Variants in HSPA12A observed in about 807,000 individuals in gnomAD.
HSPA12A encodes the protein heat shock 70 kDa protein 12A.
Under a neutral mutation model 69.2 loss-of-function variants are expected in HSPA12A, and 28 were observed. The observed-to-expected ratio is 0.40, with a 90% CI of 0.30 to 0.55. HSPA12A has a LOEUF of 0.55. Among genes scored for constraint, HSPA12A ranks in the 20% least tolerant of loss-of-function variants. HSPA12A has a pLI of 0.38. For missense variants in HSPA12A, 686 were observed against 900.7 expected, an observed-to-expected ratio of 0.76 and a Z score of 3.05; for synonymous variants, 345 against 370.5, an observed-to-expected ratio of 0.93 and a Z score of 0.79.
chr10:116,849,544 G>C, intron 1 of HSPA12A: 1 of 1,510,186 alleles, frequency 6.6e-7, no homozygotes, highest in South Asian at 1.3e-5. Context: ...GCTAAACCCC[G>C]CTGTAGCCTT....
intron 2 of HSPA12A, among the ~76,000 whole-genome samples, chr10:116,792,220 C>T (rs1844713671): frequency 6.9e-6 from 1 of 144,698 alleles, no homozygotes; most frequent in Non-Finnish European, 1.5e-5. Context: ...CCAAACCCAG[C>T]CCCAGTTCAG....
intron 1 of HSPA12A, among the ~76,000 whole-genome samples, chr10:116,708,966 G>A (rs1398675386): frequency 6.6e-6 from 1 of 152,248 alleles, no homozygotes; most frequent in Non-Finnish European, 1.5e-5. Flanking sequence ...GACAACTGCT[G>A]TGGAAAAGAG....
intron 2 of HSPA12A, among the ~76,000 whole-genome samples, chr10:116,821,985 C>T (rs182905904): frequency 2.6e-5 from 4 of 152,312 alleles, no homozygotes; most frequent in Admixed American, 2.6e-4. Context: ...AATATGAAAC[C>T]ACAAATGTGA....
chr10:116,691,339 A>G (rs1396393157), intron 6 of HSPA12A, among the ~76,000 whole-genome samples: 1 of 152,150 alleles, frequency 6.6e-6, no homozygotes, highest in Non-Finnish European at 1.5e-5. Flanking sequence ...TGAGGTTCCC[A>G]TGGCCATTCA....
intron 2 of HSPA12A, among the ~76,000 whole-genome samples, chr10:116,769,499 C>A (rs1453710756): frequency 1.3e-5 from 2 of 152,162 alleles, no homozygotes; most frequent in Admixed American, 1.3e-4. Flanking sequence ...GGCGAAAGCA[C>A]CAGGATGTTG....
At chr10:116,739,136 T>C (rs1464352404) in intron 1 of HSPA12A, among the ~76,000 whole-genome samples, 2 of 152,140 alleles carry the variant, frequency 1.3e-5, no homozygotes, top group Non-Finnish European at 2.9e-5. Context: ...GCCTATGACA[T>C]GCCAGGCACA....
intron 2 of HSPA12A, among the ~76,000 whole-genome samples, chr10:116,766,966 G>T (rs782657269): frequency 6.6e-6 from 1 of 152,184 alleles, no homozygotes; most frequent in African/African-American, 2.4e-5. Context: ...CAAGCCCATC[G>T]CGGAGGGGAA....
chr10:116,747,105 G>A (rs1265131868), upstream of HSPA12A, among the ~76,000 whole-genome samples: 2 of 152,164 alleles, frequency 1.3e-5, no homozygotes, highest in Admixed American at 1.3e-4. Flanking sequence ...GAATCATGGT[G>A]GCCAGTGTAT....
chr10:116,829,575 G>A (rs1845575395), intron 2 of HSPA12A: 1 of 152,328 alleles, frequency 6.6e-6, no homozygotes, highest in Non-Finnish European at 1.5e-5. Context: ...TCACCCAACA[G>A]GCCAGGTGGG....
At chr10:116,732,706 A>G (rs79741801) in intron 1 of HSPA12A, among the ~76,000 whole-genome samples, 1 of 152,214 alleles carries the variant, frequency 6.6e-6, no homozygotes, top group African/African-American at 2.4e-5. Flanking sequence ...GCATTCTTCA[A>G]ATACTTTTTT....
intron 1 of HSPA12A, among the ~76,000 whole-genome samples, chr10:116,725,251 G>C (rs1327718959): frequency 3.3e-5 from 5 of 152,142 alleles, no homozygotes; most frequent in Non-Finnish European, 5.9e-5. Context: ...AATGTCCCCT[G>C]CCTGAAGTGA....
Position 116,674,941 on chromosome 10 carries a change from G to A in HSPA12A, c.1868C>T (p.Thr623Met), listed in dbSNP as rs1849183155. 9 of 1,614,170 alleles carry A rather than the reference G, an allele frequency of 5.6e-6. No homozygotes were observed. The highest frequency in any genetic ancestry group is 1.1e-5 in the South Asian group (1 of 91,078). Residue 623 changes from threonine to methionine, a missense_variant, in exon 12 of 12, where the codon ACG (threonine) becomes ATG (methionine). Thr to Met is a moderately conservative substitution (Grantham distance 81). Transcript: ENST00000369209. ...ITDPGVKKCG[T>M]LRLDLTGTSG... ...GGTCCCTGTGAGATCCAGGCGGAGCGTGCCACACTTCTTCACCCCGGGATC... is the reference window on the plus strand; with the variant it reads ...GGTCCCTGTGAGATCCAGGCGGAGCATGCCACACTTCTTCACCCCGGGATC...
intron 3 of HSPA12A, among the ~76,000 whole-genome samples, chr10:116,701,878 C>T (rs1319265980): frequency 6.6e-6 from 1 of 152,088 alleles, no homozygotes; most frequent in Non-Finnish European, 1.5e-5. Context: ...TGGGAAGCCA[C>T]TAAAGGTCTT....
Position 116,742,544 on chromosome 10 carries a change from G to C in HSPA12A, c.-75C>G, listed in dbSNP as rs11592166. 231,478 of 1,180,664 alleles carry C rather than the reference G, an allele frequency of 0.2. 24,261 individuals are homozygous for C. The highest frequency in any genetic ancestry group is 0.32 in the South Asian group (8,197 of 25,750). The allele number at this position is 1,180,664 out of a possible 1,614,324, so 73.1% of individuals were successfully genotyped here. On this transcript the variant is annotated 5_prime_UTR_variant, in exon 1 of 12. Coordinates refer to ENST00000369209, the MANE Select transcript of HSPA12A (RefSeq NM_025015.3). ...CCCGTGCGGGTCTCTGTCCGCGTCC[G>C]CGGCGGCGCTCGGGCCGTGTCTGAG...
chr10:116,836,411 T>C (rs1215365156), intron 1 of HSPA12A, among the ~76,000 whole-genome samples: 1 of 152,188 alleles, frequency 6.6e-6, no homozygotes, highest in Admixed American at 6.5e-5. Flanking sequence ...CACTGGCACC[T>C]GCTAATGAGA....
At chr10:116,732,328 C>CAAAGAAGG (rs1851181417) in intron 1 of HSPA12A, among the ~76,000 whole-genome samples, 1 of 124,076 alleles carries the variant, frequency 8.1e-6, no homozygotes, top group South Asian at 2.6e-4. Context: ...TCAAAAAAAA[C>CAAAGAAGG]AAAGAAAGAA....
intron 2 of HSPA12A, among the ~76,000 whole-genome samples, chr10:116,810,106 C>T (rs573584385): frequency 6.6e-6 from 1 of 152,316 alleles, no homozygotes; most frequent in East Asian, 1.9e-4. Context: ...GCGCTCCAAG[C>T]CATGGGGGGT....
rs1444678710 is a variant in HSPA12A, at chr10:116,686,627, GC to G, written c.664-2666del. On this transcript the variant is annotated intron_variant, in intron 6 of 11. Transcript: ENST00000369209. This position sits in a 1 kb window ranked among gnomAD's most constrained non-coding sequence, Gnocchi z 4.1. The stretch of plus-strand genomic sequence containing the variant: ...GCCAGGTGGGACTTGTGGCAGTGAG[GC>G]CCCCACAGGGCCAGAAAAAGCAAGG... 6.6e-6 allele frequency among the ~76,000 whole-genome samples: 1 copy of G among 152,114 alleles called. No homozygotes were observed. The highest frequency in any genetic ancestry group is 1.5e-5 in the Non-Finnish European group (1 of 68,018).
intron 5 of HSPA12A, among the ~76,000 whole-genome samples, chr10:116,692,963 C>T (rs1189915493): frequency 1.3e-5 from 2 of 152,220 alleles, no homozygotes; most frequent in African/African-American, 4.8e-5. Flanking sequence ...GCGCCCCTTT[C>T]CTACAAATGG....
Sources: gnomAD v4.1 joint callset for allele counts (sites outside exome capture counted in the v4.1 genomes callset) on GRCh38, gnomAD v4.1.1 for gene constraint, Gnocchi (gnomAD v3.1) non-coding constraint, MANE v1.5 for transcripts, NCBI Gene and HGNC (gene_info 2026-07-23, HGNC 2026-07-21) for gene names.